Variants in CYFIP2 observed in about 807,000 individuals in gnomAD.
The protein encoded by CYFIP2 is cytoplasmic FMR1 interacting protein 2.
Under a neutral mutation model 158.7 loss-of-function variants are expected in CYFIP2, and 29 were observed. The observed-to-expected ratio is 0.18, with a 90% CI of 0.14 to 0.25. CYFIP2 has a LOEUF of 0.25. Among genes scored for constraint, CYFIP2 ranks in the 10% least tolerant of loss-of-function variants. The pLI is 1.00. For synonymous variants in CYFIP2, 585 were observed against 617.6 expected (o/e 0.95, Z 0.78); for missense variants, 852 against 1,639.5 (o/e 0.52, Z 8.29).
At chr5:157,374,886 G>T (rs1765317103) in intron 26 of CYFIP2, among the ~76,000 whole-genome samples, 1 of 152,222 alleles carries the variant, frequency 6.6e-6, no homozygotes, top group Non-Finnish European at 1.5e-5. Context: ...GGTCTTTGCT[G>T]ATGCATCAAC....
At chr5:157,376,777 T>C in intron 26 of CYFIP2, 1 of 408,540 alleles carries the variant, frequency 2.4e-6, no homozygotes, top group Non-Finnish European at 5.0e-6. Context: ...CACAGTTCCT[T>C]TCCCCTGGGG....
At chr5:157,301,660 G>T (rs928863091) in intron 6 of CYFIP2, among the ~76,000 whole-genome samples, 1 of 152,126 alleles carries the variant, frequency 6.6e-6, no homozygotes, top group African/African-American at 2.4e-5. Context: ...CCAGGAGAGG[G>T]TCTCACACCT....
intron 28 of CYFIP2, chr5:157,383,596 C>G: frequency 2.4e-6 from 1 of 418,842 alleles, no homozygotes; most frequent in Non-Finnish European, 4.4e-6. Context: ...AACAAGTCGT[C>G]TGCTTATTTA....
intron 23 of CYFIP2, among the ~76,000 whole-genome samples, chr5:157,350,459 G>T (rs1762989588): frequency 6.6e-6 from 1 of 152,128 alleles, no homozygotes; most frequent in African/African-American, 2.4e-5. Context: ...TTATTTCTGG[G>T]TTCTCTATTC....
intron 28 of CYFIP2, chr5:157,383,573 C>G (rs1766343491): frequency 6.3e-6 from 3 of 475,098 alleles, no homozygotes; most frequent in East Asian, 3.3e-5. Context: ...TAGCCTGTAT[C>G]ATGTATCCTG....
chr5:157,280,310 C>G (rs549805602), intron 1 of CYFIP2, among the ~76,000 whole-genome samples: 2 of 151,792 alleles, frequency 1.3e-5, no homozygotes, highest in Admixed American at 1.3e-4. Context: ...GATTTTCCTG[C>G]CTCAGTCTCC....
chr5:157,391,659 C>A (rs1025812105), intron 30 of CYFIP2, among the ~76,000 whole-genome samples: 4 of 152,126 alleles, frequency 2.6e-5, no homozygotes, highest in Admixed American at 2.6e-4. Context: ...ATATAGACCA[C>A]GTTGTGTTTG....
chr5:157,383,117 C>T (rs1766292674), intron 27 of CYFIP2, 148 bp from the exon 28 acceptor site: 2 of 657,674 alleles, frequency 3.0e-6, no homozygotes, highest in Non-Finnish European at 5.3e-6. Flanking sequence ...AAACTACTCA[C>T]ACTTTCCAGA....
chr5:157,273,052 A>C (rs1350353836), intron 1 of CYFIP2, among the ~76,000 whole-genome samples: 1 of 152,032 alleles, frequency 6.6e-6, no homozygotes, highest in Non-Finnish European at 1.5e-5. Flanking sequence ...TTTTAGTGGA[A>C]ATGGGGTTTC....
At chr5:157,268,149 T>G (rs1462621826) in intron 1 of CYFIP2, among the ~76,000 whole-genome samples, 1 of 152,260 alleles carries the variant, frequency 6.6e-6, no homozygotes, top group African/African-American at 2.4e-5. Context: ...TAGCTAGTTG[T>G]GCGCACTGAG....
chr5:157,314,965 C>A lies in CYFIP2; in HGVS notation c.1231-4C>A. The A allele has an allele frequency of 6.4e-7, 1 of 1,562,114 alleles. No individual in the cohort carries two copies. The highest frequency in any genetic ancestry group is 2.4e-5 in the East Asian group (1 of 42,214). ...GACGTTTGGTTTGTTCCCACTCTCC[C>A]CAGTACTCTTGGAAGCTGGTTCATC... On this transcript the variant is annotated splice_polypyrimidine_tract_variant and splice_region_variant and intron_variant, in intron 12 of 30. Coordinates refer to ENST00000620254, the MANE Select transcript of CYFIP2 (RefSeq NM_001037333.3).
chr5:157,326,616 A>G (rs1231044136), intron 18 of CYFIP2, among the ~76,000 whole-genome samples: 1 of 152,212 alleles, frequency 6.6e-6, no homozygotes, highest in Non-Finnish European at 1.5e-5. Context: ...CCCATAGTGG[A>G]GTCCACCCTC....
At position 157,393,182 on chromosome 5, in the gene CYFIP2, A is replaced by T. The variant is rs1767481257; in HGVS notation, c.*182A>T. ...GTGCATGCTCTCCCATGACATCTCC[A>T]TGCTGGTTTCTCCATAGCATAAATG... On this transcript the variant is annotated 3_prime_UTR_variant, in exon 31 of 31. Coordinates refer to ENST00000620254, the MANE Select transcript of CYFIP2 (RefSeq NM_001037333.3). 2 of 480,228 alleles carry T rather than the reference A, an allele frequency of 4.2e-6. No individual in the cohort carries two copies. The highest frequency in any genetic ancestry group is 2.1e-5 in the African/African-American group (1 of 48,532). The allele number at this position is 480,228 out of a possible 1,614,324, so 29.7% of individuals were successfully genotyped here.
Position 157,319,847 on chromosome 5 carries a change from C to T in CYFIP2, c.1442C>T (p.Ala481Val), listed in dbSNP as rs747636391. The change falls in exon 14 of 31, where the codon GCG becomes GTG. Residue 481 changes from alanine (A) to valine (V), a missense_variant. Physicochemically the swap from Ala to Val is moderately conservative, Grantham distance 64. This residue lies in a region of CYFIP2 where 167 missense variants were observed against 343.3 expected (regional missense o/e 0.49). Transcript: ENST00000620254. ...FNQAIRNTIY[A>V]ALQDFAQVTL... ...CAGGCCATCAGGAACACCATCTACG[C>T]GGCATTGCAGGACTTCGCCCAGGTG... is the stretch of plus-strand genomic sequence containing the variant. 6.2e-7 allele frequency: 1 copy of T among 1,614,086 alleles called. No homozygotes were observed. The highest frequency in any genetic ancestry group is 8.5e-7 in the Non-Finnish European group (1 of 1,179,918).
At chr5:157,306,511 T>A (rs539295542) in intron 8 of CYFIP2, among the ~76,000 whole-genome samples, 32 of 152,336 alleles carry the variant, frequency 2.1e-4, no homozygotes, top group African/African-American at 6.5e-4. Context: ...GCCACATGGT[T>A]AGTTTGTGTT....
intron 1 of CYFIP2, among the ~76,000 whole-genome samples, chr5:157,278,630 A>G (rs1039759621): frequency 3.3e-5 from 5 of 152,228 alleles, no homozygotes; most frequent in Admixed American, 1.3e-4. Flanking sequence ...GATTGAGAAA[A>G]TCAATGTGAA....
At chr5:157,302,527 C>T (rs1758852099) in intron 6 of CYFIP2, among the ~76,000 whole-genome samples, 1 of 152,212 alleles carries the variant, frequency 6.6e-6, no homozygotes, top group African/African-American at 2.4e-5. Flanking sequence ...GCTAGTTCCC[C>T]TTAAACTTTC....
intron 10 of CYFIP2, chr5:157,310,907 C>T (rs773730331): frequency 2.3e-6 from 1 of 437,702 alleles, no homozygotes; most frequent in Non-Finnish European, 4.6e-6. Context: ...GGGTCACCAG[C>T]ACCTGAGGGT....
chr5:157,359,180 T>A, intron 24 of CYFIP2, 32 bp downstream of exon 24: 1 of 1,610,936 alleles, frequency 6.2e-7, no homozygotes. Context: ...GCTTGAGATA[T>A]GCCCATGTGG....
Sources: gnomAD v4.1 joint callset for allele counts (sites outside exome capture counted in the v4.1 genomes callset) on GRCh38, gnomAD v4.1.1 for gene constraint, gnomAD v4.1.1 regional missense constraint, MANE v1.5 for transcripts, NCBI Gene and HGNC (gene_info 2026-07-23, HGNC 2026-07-21) for gene names.